The following UBXN8 variants were observed in gnomAD, a reference collection of about 807,000 sequenced individuals.
UBXN8 encodes UBX domain protein 8, also known as UBX domain-containing protein 8.
A neutral mutation model predicts 32.1 loss-of-function variants in UBXN8; 27 were observed. The ratio of observed to expected loss-of-function variants is 0.84; its 90% CI spans 0.62 to 1.16. UBXN8 has a LOEUF of 1.16. Among genes scored for constraint, UBXN8 ranks in the 50% most tolerant of loss-of-function variants. UBXN8 has a pLI of 0.00. For missense variants in UBXN8, 306 were observed against 311.4 expected, an observed-to-expected ratio of 0.98 and a Z score of 0.13; for synonymous variants, 109 against 111.8, an observed-to-expected ratio of 0.98 and a Z score of 0.16.
rs1333509723 is a variant in UBXN8 at position 30,766,364 on chromosome 8, C to T, written c.783C>T (p.Leu261=). 1.9e-6 allele frequency: 3 copies of T among 1,611,344 alleles called. No individual in the cohort carries two copies. Among genetic ancestry groups the T allele is most frequent in the Non-Finnish European group, 2.5e-6 (3 of 1,178,544 alleles). ...TAGGAATAACTGTGGACACTGTACT[C>T]ATCCTGGAGGAGAAGGAGCAGACCA... ...EDIGITVDTV[L]ILEEKEQTN is the part of the protein sequence containing the mutation. The change falls in exon 8 of 8, where the codon CTC becomes CTT. Residue 261 remains leucine, a synonymous_variant. Transcript: ENST00000265616.
At chr8:30,730,660 G>A (rs1217609439), upstream of UBXN8, among the ~76,000 whole-genome samples, 5 of 152,276 alleles carry the variant, frequency 3.3e-5, no homozygotes, top group South Asian at 2.1e-4. Context: ...GGCCACAAAC[G>A]TTAATAAGTT....
chr8:30,756,665 A>G lies in UBXN8; in HGVS notation c.406-100A>G, dbSNP rs553739224. The G allele has an allele frequency of 7.7e-5, 116 of 1,513,844 alleles. No individual in the cohort carries two copies. In the South Asian group the frequency reaches 1.3e-3, roughly 17 times the overall value. 93.8% of individuals were successfully genotyped at this position (1,513,844 alleles called of 1,614,324 possible). On this transcript the variant is annotated intron_variant, in intron 4 of 7. Coordinates refer to ENST00000265616, the MANE Select transcript of UBXN8 (RefSeq NM_005671.4). ...GGCTTGCTAATATTTTTCTACTGAT[A>G]TGCCATCAGGGTAAAAAAAGGAAAA... is the stretch of plus-strand genomic sequence containing the variant.
chr8:30,766,163 G>A, intron 7 of UBXN8, 64 bp from the exon 8 acceptor site: 1 of 1,488,176 alleles, frequency 6.7e-7, no homozygotes, highest in Non-Finnish European at 9.1e-7. Context: ...ATGTTATGGT[G>A]GTCTAAAGGG....
At chr8:30,755,980 G>C (rs1162850459) in intron 4 of UBXN8, 1 of 150,942 alleles carries the variant, frequency 6.6e-6, no homozygotes, top group Non-Finnish European at 1.5e-5. Context: ...CTTCAGCATT[G>C]AATATGAATT....
intron 1 of UBXN8, among the ~76,000 whole-genome samples, chr8:30,750,145 C>T (rs1350426625): frequency 6.6e-6 from 1 of 151,954 alleles, no homozygotes; most frequent in Non-Finnish European, 1.5e-5. Flanking sequence ...CCCTGAGTTC[C>T]ACATTGAGCA....
upstream of UBXN8, among the ~76,000 whole-genome samples, chr8:30,742,606 T>A (rs1168306548): frequency 6.6e-6 from 1 of 152,074 alleles, no homozygotes; most frequent in Admixed American, 6.6e-5. Context: ...CCTCCCAAAG[T>A]GCTGAGAATA....
Position 30,761,932 on chromosome 8 carries a change from A to T in UBXN8, c.570+1003A>T, listed in dbSNP as rs149632101. Among the ~76,000 whole-genome samples, 583 of 152,180 alleles carry T rather than the reference A, an allele frequency of 3.8e-3. 2 individuals carry two copies. The highest frequency in any genetic ancestry group is 0.013 in the African/African-American group (536 of 41,544). ...GATGCCTTCCTGTCACTGGCCACCC[A>T]ACTTATAGACACTTCCTAATGTATG... On this transcript the variant is annotated intron_variant, in intron 6 of 7. Coordinates refer to ENST00000265616, the MANE Select transcript of UBXN8 (RefSeq NM_005671.4).
rs1805405710 is a variant in UBXN8, at chr8:30,747,887, A to ATATTTTTTT, written c.89-3508_89-3507insATTTTTTTT. ...GCCAAGTTTTCTTTTTTTAATATATATTTTTTCTTTTTTTTTTTTTTTTTT... is the reference window on the plus strand; with the variant it reads ...GCCAAGTTTTCTTTTTTTAATATATATATTTTTTTTTTTTTCTTTTTTTTTTTTTTTTTT... On this transcript the variant is annotated intron_variant, in intron 1 of 7. Transcript: ENST00000265616. Among the ~76,000 whole-genome samples, 2 of 40,744 alleles carry ATATTTTTTT rather than the reference A, an allele frequency of 4.9e-5. 1 individual carries two copies. The highest frequency in any genetic ancestry group is 5.6e-4 in the Admixed American group (2 of 3,550). 26.7% of individuals were successfully genotyped at this position (40,744 alleles called of 152,430 possible). A position where few individuals can be genotyped will look rare whatever the true frequency, so the allele number is the denominator to read the frequency against.
chr8:30,759,951 C>T (rs986879471), intron 5 of UBXN8, among the ~76,000 whole-genome samples: 10 of 142,386 alleles, frequency 7.0e-5, no homozygotes, highest in Middle Eastern at 7.6e-3. Flanking sequence ...AGTGAGACTC[C>T]GTCTCAGAAA....
chr8:30,729,483 C>A (rs1211123606), upstream of UBXN8, among the ~76,000 whole-genome samples: 1 of 152,128 alleles, frequency 6.6e-6, no homozygotes, highest in Non-Finnish European at 1.5e-5. Flanking sequence ...TTTGGTTTGA[C>A]CTGGCTTGGA....
intron 7 of UBXN8, among the ~76,000 whole-genome samples, chr8:30,765,075 A>G (rs1400068695): frequency 6.6e-6 from 1 of 151,968 alleles, no homozygotes; most frequent in Admixed American, 6.6e-5. Context: ...AAAACCTTTA[A>G]TATTTTTTAT....
chr8:30,765,943 G>T (rs1359195884), intron 7 of UBXN8, among the ~76,000 whole-genome samples: 1 of 150,254 alleles, frequency 6.7e-6, no homozygotes, highest in African/African-American at 2.4e-5. Context: ...CCAGGTGGTG[G>T]AGGTTTCAGT....
chr8:30,760,072 T>TG (rs1475653381), intron 5 of UBXN8, among the ~76,000 whole-genome samples: 1 of 148,950 alleles, frequency 6.7e-6, no homozygotes, highest in East Asian at 1.9e-4. Flanking sequence ...TTCTTTTTTT[T>TG]TTTTTTTAAG....
upstream of UBXN8, among the ~76,000 whole-genome samples, chr8:30,742,288 G>C (rs1386582850): frequency 6.6e-6 from 1 of 152,164 alleles, no homozygotes; most frequent in Admixed American, 6.5e-5. Context: ...AAAGTTCTTA[G>C]CCTATATACA....
At chr8:30,759,765 G>A (rs915727099) in intron 5 of UBXN8, among the ~76,000 whole-genome samples, 8 of 150,808 alleles carry the variant, frequency 5.3e-5, no homozygotes, top group African/African-American at 1.9e-4. Flanking sequence ...GACCATCTTG[G>A]CTAACACGGG....
intron 1 of UBXN8, among the ~76,000 whole-genome samples, chr8:30,735,059 T>C (rs1032330861): frequency 2.0e-5 from 3 of 152,228 alleles, no homozygotes; most frequent in Non-Finnish European, 2.9e-5. Context: ...CTAAGACCTT[T>C]ATATGTTATC....
At chr8:30,764,920 C>CAG (rs1200369399) in intron 7 of UBXN8, among the ~76,000 whole-genome samples, 1 of 151,870 alleles carries the variant, frequency 6.6e-6, no homozygotes, top group Non-Finnish European at 1.5e-5. Flanking sequence ...CGTGGTGGTG[C>CAG]GTGCCTGTAG....
At chr8:30,754,499 G>C in intron 3 of UBXN8, 166 bp from the exon 4 acceptor site, 1 of 822,164 alleles carries the variant, frequency 1.2e-6, no homozygotes, top group Admixed American at 2.3e-5. Flanking sequence ...TTGCTGTCCA[G>C]CTGTCGGCAC....
chr8:30,749,752 C>T (rs1341606304), intron 1 of UBXN8, among the ~76,000 whole-genome samples: 2 of 151,788 alleles, frequency 1.3e-5, no homozygotes, highest in Non-Finnish European at 2.9e-5. Context: ...ACTACAGGTA[C>T]CCGCCACCGC....
Sources: allele counts gnomAD v4.1 joint callset (sites outside exome capture counted in the v4.1 genomes callset), GRCh38; gene constraint gnomAD v4.1.1; transcripts MANE v1.5; gene names NCBI Gene and HGNC (gene_info 2026-07-23, HGNC 2026-07-21).